HECW2: variants seen among roughly 807,000 people sequenced by gnomAD.
HECW2 encodes E3 ubiquitin-protein ligase HECW2.
A neutral mutation model predicts 175.2 loss-of-function variants in HECW2; 61 were observed. The ratio of observed to expected loss-of-function variants is 0.35; its 90% CI spans 0.28 to 0.43. The LOEUF (loss-of-function observed/expected upper bound fraction) is 0.43, where lower values mean the gene tolerates loss of function less well. HECW2 is among the 20% of genes least tolerant of loss of function. The pLI is 1.00. For synonymous variants in HECW2, 671 were observed against 731.0 expected, an observed-to-expected ratio of 0.92 and a Z score of 1.32; for missense variants, 1,524 against 2,000.5, an observed-to-expected ratio of 0.76 and a Z score of 4.54.
intron 2 of HECW2, among the ~76,000 whole-genome samples, chr2:196,415,479 G>A (rs1695229899): frequency 6.6e-6 from 1 of 152,202 alleles, no homozygotes; most frequent in Non-Finnish European, 1.5e-5. Flanking sequence ...ATAGGGGTAT[G>A]CTGGGACACT....
chr2:196,297,664 C>T (rs534229779), intron 13 of HECW2, among the ~76,000 whole-genome samples: 6 of 152,260 alleles, frequency 3.9e-5, no homozygotes, highest in African/African-American at 1.4e-4. Flanking sequence ...TTTCATATTT[C>T]AGAAAGCCTT....
chr2:196,584,341 T>C (rs956693114), intron 1 of HECW2, among the ~76,000 whole-genome samples: 4 of 152,148 alleles, frequency 2.6e-5, no homozygotes, highest in Non-Finnish European at 4.4e-5. Flanking sequence ...CTATTTTTAG[T>C]GGAGGAAGCA....
intron 3 of HECW2, among the ~76,000 whole-genome samples, chr2:196,335,690 C>T (rs1046973424): frequency 6.6e-6 from 1 of 152,142 alleles, no homozygotes; most frequent in Admixed American, 6.5e-5. Flanking sequence ...TGAACAAATA[C>T]TAAATCTCAA....
At chr2:196,297,794 A>C (rs1559019921) in intron 13 of HECW2, among the ~76,000 whole-genome samples, 1 of 152,242 alleles carries the variant, frequency 6.6e-6, no homozygotes, top group Non-Finnish European at 1.5e-5. Flanking sequence ...TTCACTAAAC[A>C]AAATTTAATA....
At chr2:196,486,616 G>C (rs1687017465) in intron 1 of HECW2, among the ~76,000 whole-genome samples, 1 of 152,148 alleles carries the variant, frequency 6.6e-6, no homozygotes, top group Non-Finnish European at 1.5e-5. Context: ...AGACAGAAAT[G>C]GGAAGAAGAC....
At chr2:196,445,652 T>C (rs915620483) in intron 1 of HECW2, among the ~76,000 whole-genome samples, 1 of 152,148 alleles carries the variant, frequency 6.6e-6, no homozygotes, top group African/African-American at 2.4e-5. Context: ...AATGTATAAG[T>C]GCAAAAGGCA....
At chr2:196,409,327 T>C (rs577588288) in intron 2 of HECW2, among the ~76,000 whole-genome samples, 1 of 152,326 alleles carries the variant, frequency 6.6e-6, no homozygotes, top group African/African-American at 2.4e-5. Flanking sequence ...TGCTGTTGAC[T>C]AAAATGTTAA....
At chr2:196,260,640 T>G (rs1689252873) in intron 17 of HECW2, 1 of 152,224 alleles carries the variant, frequency 6.6e-6, no homozygotes, top group Non-Finnish European at 1.5e-5. Context: ...CTTTATAAAG[T>G]CCTTTCACGT....
chr2:196,452,529 T>C (rs1485738829), intron 1 of HECW2, among the ~76,000 whole-genome samples: 1 of 152,186 alleles, frequency 6.6e-6, no homozygotes, highest in Non-Finnish European at 1.5e-5. Context: ...TTGTAAGAAC[T>C]GGCAACAGAA....
chr2:196,321,047 T>TA (rs2105764039), intron 7 of HECW2, among the ~76,000 whole-genome samples: 1 of 152,348 alleles, frequency 6.6e-6, no homozygotes, highest in African/African-American at 2.4e-5. Flanking sequence ...AGAGGACCGC[T>TA]AAGCTCTCCT....
chr2:196,280,194 T>C (rs77048387), intron 14 of HECW2, among the ~76,000 whole-genome samples: 3,939 of 152,290 alleles, frequency 0.026, 73 homozygotes, highest in South Asian at 0.093. Flanking sequence ...GGAGACTCAG[T>C]ACCTATAAAC....
intron 2 of HECW2, among the ~76,000 whole-genome samples, chr2:196,394,558 C>G (rs565040478): frequency 7.1e-6 from 1 of 140,674 alleles, no homozygotes; most frequent in Admixed American, 7.6e-5. Flanking sequence ...AAGGCAGACA[C>G]GAGAGCCAGA....
chr2:196,339,649 G>A (rs1391705753), intron 3 of HECW2, among the ~76,000 whole-genome samples: 2 of 152,166 alleles, frequency 1.3e-5, no homozygotes, highest in Non-Finnish European at 2.9e-5. Flanking sequence ...AAGCAAATAT[G>A]AATAAATGAA....
chr2:196,502,546 C>T lies in HECW2; in HGVS notation c.-35-69088G>A, dbSNP rs374782197. Among the ~76,000 whole-genome samples the T allele has an allele frequency of 2.0e-5, 3 of 152,340 alleles. No homozygotes were observed. In the East Asian group the frequency reaches 5.8e-4, roughly 29 times the overall value. The stretch of plus-strand genomic sequence containing the variant: ...GCACTCCAATGCAATTGATTATGCA[C>T]ACTCCAATGTGACTGATTATGTTAT... On this transcript the variant is annotated intron_variant, in intron 1 of 28. Transcript: ENST00000644978.
intron 13 of HECW2, among the ~76,000 whole-genome samples, chr2:196,300,836 C>T (rs535394575): frequency 6.6e-6 from 1 of 150,860 alleles, no homozygotes; most frequent in East Asian, 2.0e-4. Context: ...TACTAGAAAA[C>T]TCATGAACAC....
chr2:196,274,327 C>T (rs183130787), intron 15 of HECW2, among the ~76,000 whole-genome samples: 2 of 152,258 alleles, frequency 1.3e-5, no homozygotes, highest in Non-Finnish European at 2.9e-5. Context: ...GGAGTTGAGG[C>T]ATCCACATTC....
chr2:196,232,052 G>C (rs1210847181), intron 21 of HECW2, among the ~76,000 whole-genome samples: 1 of 152,108 alleles, frequency 6.6e-6, no homozygotes, highest in Non-Finnish European at 1.5e-5. Flanking sequence ...GGAGTGGGTA[G>C]AATACTAAGT....
intron 2 of HECW2, among the ~76,000 whole-genome samples, chr2:196,405,885 G>A (rs893363726): frequency 1.6e-4 from 24 of 152,064 alleles, no homozygotes; most frequent in African/African-American, 4.3e-4. Flanking sequence ...GACACCAGCC[G>A]ACAGCTTCCC....
At chr2:196,492,363 CCTCA>C in intron 1 of HECW2, among the ~76,000 whole-genome samples, 1 of 152,174 alleles carries the variant, frequency 6.6e-6, no homozygotes, top group East Asian at 1.9e-4. Context: ...ACCTCCTGCC[CCTCA>C]CTAAAAATCT....
Sources: allele counts gnomAD v4.1 joint callset (sites outside exome capture counted in the v4.1 genomes callset), GRCh38; gene constraint gnomAD v4.1.1; transcripts MANE v1.5; gene names NCBI Gene and HGNC (gene_info 2026-07-23, HGNC 2026-07-21).